Variants in HDAC8 observed in about 807,000 individuals in gnomAD.
The protein encoded by HDAC8 is histone deacetylase-like 1.
A neutral mutation model predicts 32.2 loss-of-function variants in HDAC8; 1 was observed. That is an observed-to-expected ratio of 0.03 (90% CI 0.01 to 0.15). The LOEUF (loss-of-function observed/expected upper bound fraction) is 0.15, where lower values mean the gene tolerates loss of function less well. Ranked by LOEUF, HDAC8 falls within the 10% of genes least tolerant of loss-of-function variation. HDAC8 has a pLI of 1.00. For synonymous variants in HDAC8, 108 were observed against 113.9 expected, an observed-to-expected ratio of 0.95 and a Z score of 0.33; for missense variants, 117 against 300.0, an observed-to-expected ratio of 0.39 and a Z score of 4.51.
chrX:72,361,753 C>G (rs1045267349), intron 9 of HDAC8, among the ~76,000 whole-genome samples: 7 of 109,121 alleles, frequency 6.4e-5, no homozygotes, highest in African/African-American at 2.3e-4. Flanking sequence ...GGTGACTGCT[C>G]TCAAGGAGAT....
At chrX:72,524,743 G>A (rs1424982938) in intron 4 of HDAC8, among the ~76,000 whole-genome samples, 2 of 110,829 alleles carry the variant, frequency 1.8e-5, no homozygotes, top group Non-Finnish European at 3.8e-5. Flanking sequence ...AGAATGCCAC[G>A]CTCTCCCTGC....
At chrX:72,551,319 A>G (rs2051064326) in intron 4 of HDAC8, among the ~76,000 whole-genome samples, 1 of 112,136 alleles carries the variant, frequency 8.9e-6, no homozygotes, top group Non-Finnish European at 1.9e-5. Context: ...ACAGGAAGTG[A>G]AACACACCAT....
At chrX:72,341,438 A>G (rs1423732926) in intron 10 of HDAC8, among the ~76,000 whole-genome samples, 1 of 112,267 alleles carries the variant, frequency 8.9e-6, no homozygotes, top group Non-Finnish European at 1.9e-5. Context: ...GACCTTGTGT[A>G]AGACCACAGT....
intron 2 of HDAC8, among the ~76,000 whole-genome samples, chrX:72,569,220 G>A (rs2051917694): frequency 8.9e-6 from 1 of 112,276 alleles, no homozygotes; most frequent in African/African-American, 3.2e-5. Flanking sequence ...CAAACTAGTA[G>A]GCAGGGATAT....
chrX:72,441,722 C>T lies in HDAC8; in HGVS notation c.1005+20282G>A, dbSNP rs186161066. Among the ~76,000 whole-genome samples, 164 of 111,704 alleles carry T rather than the reference C, an allele frequency of 1.5e-3. 2 individuals carry two copies. The highest frequency in any genetic ancestry group is 4.5e-3 in the African/African-American group (139 of 30,812). ...AGAGTTGAGAGAAGAAGGCTTCAGACGATCAAACTACTCCCAGCTACAGGA... is the reference window on the plus strand; with the variant it reads ...AGAGTTGAGAGAAGAAGGCTTCAGATGATCAAACTACTCCCAGCTACAGGA... On this transcript the variant is annotated intron_variant, in intron 9 of 10. Coordinates refer to ENST00000373573, the MANE Select transcript of HDAC8 (RefSeq NM_018486.3).
At chrX:72,493,920 T>C (rs2048947036) in intron 5 of HDAC8, among the ~76,000 whole-genome samples, 1 of 111,191 alleles carries the variant, frequency 9.0e-6, no homozygotes, top group Non-Finnish European at 1.9e-5. Context: ...AACTCATGGT[T>C]TCAAACAGTC....
At chrX:72,562,315 T>C (rs2051595241) in intron 4 of HDAC8, among the ~76,000 whole-genome samples, 1 of 111,764 alleles carries the variant, frequency 8.9e-6, no homozygotes, top group Admixed American at 9.4e-5. Context: ...ATAAAGAAAA[T>C]GTTTTATATA....
intron 9 of HDAC8, among the ~76,000 whole-genome samples, chrX:72,383,794 C>T (rs1197265173): frequency 6.0e-5 from 6 of 100,418 alleles, no homozygotes; most frequent in East Asian, 3.3e-4. Flanking sequence ...GGTGTGAACC[C>T]GGGAGGCGGA....
At chrX:72,389,683 T>C (rs1475270210) in intron 9 of HDAC8, among the ~76,000 whole-genome samples, 5 of 112,166 alleles carry the variant, frequency 4.5e-5, no homozygotes, top group African/African-American at 1.6e-4. Context: ...CTCATGTTCT[T>C]TTTACCCAGC....
intron 4 of HDAC8, among the ~76,000 whole-genome samples, chrX:72,521,721 C>G (rs2049988987): frequency 9.0e-6 from 1 of 111,539 alleles, no homozygotes; most frequent in Non-Finnish European, 1.9e-5. Context: ...CTGTCTCTGT[C>G]TCTCTCTCCC....
chrX:72,330,992 G>A (rs961461016), intron 10 of HDAC8: 1 of 65,351 alleles, frequency 1.5e-5, no homozygotes, highest in Non-Finnish European at 2.6e-5. Context: ...TGCTCTTGTT[G>A]CCCAGGCTGT....
intron 10 of HDAC8, among the ~76,000 whole-genome samples, chrX:72,330,423 A>G (rs1436228741): frequency 9.0e-6 from 1 of 111,598 alleles, no homozygotes; most frequent in African/African-American, 3.3e-5. Flanking sequence ...TCATGAGCTA[A>G]ACAAATGGTT....
intron 4 of HDAC8, among the ~76,000 whole-genome samples, chrX:72,501,614 A>C (rs1556016197): frequency 8.9e-6 from 1 of 112,196 alleles, no homozygotes; most frequent in Non-Finnish European, 1.9e-5. Flanking sequence ...ATATACAAAA[A>C]TCAACTCAAG....
intron 10 of HDAC8, chrX:72,351,390 G>A: frequency 4.6e-6 from 1 of 216,927 alleles, no homozygotes; most frequent in Non-Finnish European, 8.3e-6. Context: ...GTAAGCCACG[G>A]TGCCCGGCCA....
intron 7 of HDAC8, among the ~76,000 whole-genome samples, chrX:72,477,247 T>C (rs2048362997): frequency 8.9e-6 from 1 of 111,913 alleles, no homozygotes; most frequent in Admixed American, 9.5e-5. Context: ...CTGCTTGTGC[T>C]TATGCTCTCT....
At chrX:72,401,032 C>T (rs921337290) in intron 9 of HDAC8, among the ~76,000 whole-genome samples, 2 of 112,222 alleles carry the variant, frequency 1.8e-5, no homozygotes, top group Admixed American at 1.9e-4. Context: ...ATGAACAATG[C>T]TACTACGAAC....
At chrX:72,545,350 T>C (rs1003561043) in intron 4 of HDAC8, among the ~76,000 whole-genome samples, 5 of 112,614 alleles carry the variant, frequency 4.4e-5, no homozygotes, top group Non-Finnish European at 9.4e-5. Flanking sequence ...CTAGTCTGGA[T>C]ATAATAAATG....
intron 9 of HDAC8, among the ~76,000 whole-genome samples, chrX:72,420,313 C>G (rs929654811): frequency 3.6e-5 from 4 of 111,538 alleles, no homozygotes; most frequent in Non-Finnish European, 5.7e-5. Context: ...TCTCCTGAGT[C>G]AGTTTGGGTA....
At chrX:72,447,461 A>T (rs1267204019) in intron 9 of HDAC8, among the ~76,000 whole-genome samples, 1 of 112,107 alleles carries the variant, frequency 8.9e-6, no homozygotes, top group Non-Finnish European at 1.9e-5. Context: ...GCTATTTATG[A>T]CAAACCGACA....
Sources: gnomAD v4.1 joint callset for allele counts (sites outside exome capture counted in the v4.1 genomes callset) on GRCh38, gnomAD v4.1.1 for gene constraint, MANE v1.5 for transcripts, NCBI Gene and HGNC (gene_info 2026-07-23, HGNC 2026-07-21) for gene names.